The following PSMA1 variants were observed in gnomAD, a reference collection of about 807,000 sequenced individuals.
PSMA1 encodes proteasome 20S subunit alpha 1.
Under a neutral mutation model 38.4 loss-of-function variants are expected in PSMA1, and 3 were observed. The observed-to-expected ratio is 0.08, with a 90% CI of 0.04 to 0.20. The LOEUF is 0.20. Among genes scored for constraint, PSMA1 ranks in the 10% least tolerant of loss-of-function variants. The pLI is 1.00. For synonymous variants in PSMA1, 101 were observed against 107.1 expected (o/e 0.94, Z 0.35); for missense variants, 227 against 325.3 (o/e 0.70, Z 2.32).
chr11:14,566,495 C>T (rs1382841711), intron 2 of PSMA1, among the ~76,000 whole-genome samples: 3 of 152,150 alleles, frequency 2.0e-5, no homozygotes, highest in Non-Finnish European at 4.4e-5. Flanking sequence ...CATATGCACA[C>T]CTCCAACCCC....
Position 14,565,595 on chromosome 11 carries a change from C to T in PSMA1, c.21+45371G>A, listed in dbSNP as rs377363383. On this transcript the variant is annotated intron_variant, in intron 2 of 10. Coordinates refer to the PSMA1 transcript ENST00000418988. ...TATCTGCTATGTTTATAGCTACCTA[C>T]CAAGGAATTCAATTCAACAAATATT... Among the ~76,000 whole-genome samples, 16 of 152,246 alleles carry T rather than the reference C, an allele frequency of 1.1e-4. No individual in the cohort carries two copies. The East Asian group carries it at 1.9e-3, about 18-fold the overall frequency.
At position 14,633,740 on chromosome 11, in the gene PSMA1, A is replaced by T. The variant is rs1410234583; in HGVS notation, c.-166+9715T>A. Among the ~76,000 whole-genome samples the T allele has an allele frequency of 3.3e-5, 5 of 151,972 alleles. No homozygotes were observed. The South Asian group carries it at 1.0e-3, about 32-fold the overall frequency. On this transcript the variant is annotated intron_variant, in intron 1 of 10. Coordinates refer to the PSMA1 transcript ENST00000418988. ...TGGCGGGCACCCCTCCCCCAGCCTA[A>T]CTGCCGCCTTGCAGTTTGATCTCAG... is the stretch of plus-strand genomic sequence containing the variant.
chr11:14,604,853 T>C (rs1852622955), intron 2 of PSMA1, among the ~76,000 whole-genome samples: 1 of 152,206 alleles, frequency 6.6e-6, no homozygotes, highest in Non-Finnish European at 1.5e-5. Context: ...CTTAGGATAA[T>C]GACCTCTAAT....
chr11:14,521,886 G>A (rs1005565329), upstream of PSMA1, among the ~76,000 whole-genome samples: 1 of 151,764 alleles, frequency 6.6e-6, no homozygotes, highest in African/African-American at 2.4e-5. Context: ...GGTTATTGTC[G>A]TATTTCTGAA....
Position 14,507,746 on chromosome 11 carries a change from A to G in PSMA1, c.645T>C (p.Val215=). Residue 215 remains valine (V), a synonymous_variant, in exon 9 of 10, where the codon GTT becomes GTC. Transcript: ENST00000396394. ...AGATTGTAAACTCCAAGTCTTTACC[A>G]ACAATTCCAATGGAAACATTCTGAA... ...LTTKNVSIGI[V]GKDLEFTIYD... is the part of the protein sequence containing the mutation. 1 of 1,608,664 alleles carries G rather than the reference A, an allele frequency of 6.2e-7. No individual in the cohort carries two copies. The highest frequency in any genetic ancestry group is 1.7e-4 in the Middle Eastern group (1 of 6,050).
intron 2 of PSMA1, among the ~76,000 whole-genome samples, chr11:14,526,535 C>A (rs541298742): frequency 6.6e-6 from 1 of 152,268 alleles, no homozygotes; most frequent in South Asian, 2.1e-4. Flanking sequence ...AAACTATGCT[C>A]AACTCACTCT....
chr11:14,544,288 C>G (rs1851802943), intron 2 of PSMA1, among the ~76,000 whole-genome samples: 1 of 152,164 alleles, frequency 6.6e-6, no homozygotes, highest in Non-Finnish European at 1.5e-5. Context: ...CCCGCCTTGG[C>G]CTCTCAAAGT....
chr11:14,565,941 C>A (rs963703508), intron 2 of PSMA1, among the ~76,000 whole-genome samples: 3 of 152,092 alleles, frequency 2.0e-5, no homozygotes, highest in Non-Finnish European at 2.9e-5. Context: ...GAATAAGGAT[C>A]TAAAGGAATT....
At chr11:14,618,294 G>C (rs746433370) in intron 1 of PSMA1, among the ~76,000 whole-genome samples, 9 of 152,244 alleles carry the variant, frequency 5.9e-5, no homozygotes, top group Non-Finnish European at 1.3e-4. Flanking sequence ...CAGCTTCATT[G>C]ACATAATTTG....
At position 14,588,447 on chromosome 11, in the gene PSMA1, G is replaced by A. The variant is rs185208402; in HGVS notation, c.21+22519C>T. Among the ~76,000 whole-genome samples the A allele has an allele frequency of 1.4e-4, 22 of 152,226 alleles. No homozygotes were observed. The East Asian group carries it at 4.2e-3, about 29-fold the overall frequency. On this transcript the variant is annotated intron_variant, in intron 2 of 10. Coordinates refer to the PSMA1 transcript ENST00000418988. ...TTGATCCTACAAGTAAAAAAACAAT[G>A]CAAATTTTTGAGAAGGGGAGTGATT...
At chr11:14,571,868 T>C (rs1342649203) in intron 2 of PSMA1, among the ~76,000 whole-genome samples, 1 of 151,694 alleles carries the variant, frequency 6.6e-6, no homozygotes, top group East Asian at 1.9e-4. Flanking sequence ...GCAAGTCTAG[T>C]CTCTGATAAA....
intron 2 of PSMA1, among the ~76,000 whole-genome samples, chr11:14,601,021 C>A (rs1852574449): frequency 6.6e-6 from 1 of 152,140 alleles, no homozygotes; most frequent in African/African-American, 2.4e-5. Context: ...AAAGTTTAGA[C>A]AGGGAAACAA....
intron 1 of PSMA1, among the ~76,000 whole-genome samples, chr11:14,636,391 T>G (rs1375709649): frequency 6.6e-6 from 1 of 152,194 alleles, no homozygotes; most frequent in Non-Finnish European, 1.5e-5. Context: ...CCTGTCTGAT[T>G]CTCTTTCTAG....
At chr11:14,626,424 A>G (rs1304065979) in intron 1 of PSMA1, among the ~76,000 whole-genome samples, 1 of 152,178 alleles carries the variant, frequency 6.6e-6, no homozygotes. Context: ...AATTCTTGAA[A>G]CCGTATCTTA....
chr11:14,533,729 C>T (rs776301153), intron 2 of PSMA1, among the ~76,000 whole-genome samples: 2 of 151,182 alleles, frequency 1.3e-5, no homozygotes, highest in Non-Finnish European at 2.9e-5. Flanking sequence ...AGACTTCTAA[C>T]TTTTGAGGAA....
chr11:14,637,719 T>C, intron 1 of PSMA1, among the ~76,000 whole-genome samples: 1 of 152,332 alleles, frequency 6.6e-6, no homozygotes, highest in South Asian at 2.1e-4. Context: ...TCCTTAAAAT[T>C]TAATATATAA....
chr11:14,537,549 T>C (rs1459440147), intron 2 of PSMA1, among the ~76,000 whole-genome samples: 3 of 151,330 alleles, frequency 2.0e-5, no homozygotes, highest in Non-Finnish European at 4.4e-5. Flanking sequence ...CTGCAGGGTT[T>C]TTTTTTTTTT....
chr11:14,600,237 AGAG>A (rs1852563172), intron 2 of PSMA1, among the ~76,000 whole-genome samples: 1 of 152,220 alleles, frequency 6.6e-6, no homozygotes. Context: ...GTCCGTTCTC[AGAG>A]CTCAAACGCT....
chr11:14,526,284 G>C (rs1348492965), intron 2 of PSMA1, among the ~76,000 whole-genome samples: 1 of 152,074 alleles, frequency 6.6e-6, no homozygotes, highest in African/African-American at 2.4e-5. Flanking sequence ...TCCTCTTTCT[G>C]TTCCTCGAAG....
Sources: allele counts gnomAD v4.1 joint callset (sites outside exome capture counted in the v4.1 genomes callset), GRCh38; gene constraint gnomAD v4.1.1; transcripts MANE v1.5; gene names NCBI Gene and HGNC (gene_info 2026-07-23, HGNC 2026-07-21).